Variants in LPP observed in about 807,000 individuals in gnomAD.
The protein encoded by LPP is lipoma-preferred partner.
Under a neutral mutation model 60.4 loss-of-function variants are expected in LPP, and 38 were observed. That is an observed-to-expected ratio of 0.63 (90% CI 0.49 to 0.83). The LOEUF (loss-of-function observed/expected upper bound fraction) is 0.83. Among genes scored for constraint, LPP ranks in the 40% least tolerant of loss-of-function variants. LPP has a pLI of 0.00. For missense variants in LPP, 902 were observed against 783.6 expected (o/e 1.15, Z -1.80); for synonymous variants, 328 against 290.8 (o/e 1.13, Z -1.30).
At chr3:188,207,765 C>T (rs1379586420) in intron 1 of LPP, among the ~76,000 whole-genome samples, 1 of 151,818 alleles carries the variant, frequency 6.6e-6, no homozygotes, top group Admixed American at 6.6e-5. Flanking sequence ...TAAATATTTC[C>T]TTCTGTCGGA....
At chr3:188,737,350 C>T (rs534686798) in intron 8 of LPP, among the ~76,000 whole-genome samples, 135 of 152,280 alleles carry the variant, frequency 8.9e-4, no homozygotes, top group African/African-American at 3.1e-3. Context: ...GAGGTTCTCT[C>T]TTCTGGCTCA....
At chr3:188,365,022 T>C (rs1770688586) in intron 3 of LPP, among the ~76,000 whole-genome samples, 1 of 152,186 alleles carries the variant, frequency 6.6e-6, no homozygotes, top group African/African-American at 2.4e-5. Flanking sequence ...CATAGAGTTC[T>C]CTTTAGAGCA....
intron 9 of LPP, among the ~76,000 whole-genome samples, chr3:188,856,943 T>C (rs1201736753): frequency 6.6e-6 from 1 of 152,202 alleles, no homozygotes; most frequent in Non-Finnish European, 1.5e-5. Context: ...TAACAATTTT[T>C]CATTGGCTAT....
At chr3:188,169,497 C>T (rs1191385439) in intron 1 of LPP, among the ~76,000 whole-genome samples, 1 of 152,122 alleles carries the variant, frequency 6.6e-6, no homozygotes, top group Non-Finnish European at 1.5e-5. Context: ...ACAGTATTTC[C>T]CAAAGTGTTA....
intron 6 of LPP, among the ~76,000 whole-genome samples, chr3:188,528,426 T>A (rs956649025): frequency 2.0e-5 from 3 of 152,094 alleles, no homozygotes; most frequent in African/African-American, 4.8e-5. Flanking sequence ...GAGGAGATCA[T>A]GCTTTGAGGT....
rs4686999 is a variant in LPP, at chr3:188,857,318, G to A, written c.1411-8882G>A. Among the ~76,000 whole-genome samples, 1,167 of 152,306 alleles carry A rather than the reference G, an allele frequency of 7.7e-3. 59 individuals are homozygous for A. Among genetic ancestry groups the A allele is most frequent in the Admixed American group, 0.068 (1,040 of 15,288 alleles). ...AATAATTGCCTTTATACAGAATAAC[G>A]GAGAAAGATATCTGAGAAACTTGTT... On this transcript the variant is annotated intron_variant, in intron 9 of 11. Transcript: ENST00000617246.
chr3:188,742,180 C>T (rs1473433091), intron 8 of LPP, among the ~76,000 whole-genome samples: 1 of 152,120 alleles, frequency 6.6e-6, no homozygotes, highest in Non-Finnish European at 1.5e-5. Context: ...TTGAAATTCT[C>T]ATACACTGCA....
intron 9 of LPP, among the ~76,000 whole-genome samples, chr3:188,762,981 A>G (rs1337708816): frequency 6.6e-6 from 1 of 152,170 alleles, no homozygotes; most frequent in Non-Finnish European, 1.5e-5. Flanking sequence ...CTGAACTTTT[A>G]TATGTCCAAT....
At chr3:188,464,275 C>T (rs1031612873) in intron 4 of LPP, among the ~76,000 whole-genome samples, 2 of 152,176 alleles carry the variant, frequency 1.3e-5, no homozygotes, top group African/African-American at 4.8e-5. Flanking sequence ...ATGACTAAAT[C>T]TGAAAGGCCT....
intron 7 of LPP, among the ~76,000 whole-genome samples, chr3:188,636,313 C>T (rs1275885542): frequency 6.6e-6 from 1 of 152,194 alleles, no homozygotes; most frequent in Non-Finnish European, 1.5e-5. Flanking sequence ...CCTGGAAAAT[C>T]GGGTCACTCC....
intron 9 of LPP, among the ~76,000 whole-genome samples, chr3:188,791,506 C>T (rs1033000142): frequency 6.6e-6 from 1 of 151,858 alleles, no homozygotes; most frequent in African/African-American, 2.4e-5. Flanking sequence ...GAATAGGCTC[C>T]AGCAATTAAG....
intron 2 of LPP, among the ~76,000 whole-genome samples, chr3:188,243,164 T>TG (rs1206306095): frequency 6.6e-6 from 1 of 152,178 alleles, no homozygotes; most frequent in Non-Finnish European, 1.5e-5. Flanking sequence ...CAGTGACAGC[T>TG]GACACAACCT....
At chr3:188,767,460 T>G (rs780674533) in intron 9 of LPP, among the ~76,000 whole-genome samples, 1 of 152,186 alleles carries the variant, frequency 6.6e-6, no homozygotes, top group Non-Finnish European at 1.5e-5. Flanking sequence ...CTTAACACAT[T>G]GCTTTTAGTC....
intron 2 of LPP, among the ~76,000 whole-genome samples, chr3:188,303,500 G>C (rs1750587981): frequency 6.6e-6 from 1 of 152,194 alleles, no homozygotes; most frequent in African/African-American, 2.4e-5. Context: ...CTTAAAGAGA[G>C]TACAAAGAAC....
At chr3:188,637,645 G>A (rs947772050) in intron 7 of LPP, among the ~76,000 whole-genome samples, 23 of 151,754 alleles carry the variant, frequency 1.5e-4, no homozygotes, top group African/African-American at 5.6e-4. Context: ...AAAGAGAGAA[G>A]AATCAAATAG....
At chr3:188,671,398 T>A (rs770546718) in intron 7 of LPP, among the ~76,000 whole-genome samples, 2 of 152,208 alleles carry the variant, frequency 1.3e-5, no homozygotes, top group Non-Finnish European at 2.9e-5. Context: ...GGCAGAGTTG[T>A]CAGCATTTAC....
At chr3:188,818,945 G>A (rs563377916) in intron 9 of LPP, among the ~76,000 whole-genome samples, 3 of 151,926 alleles carry the variant, frequency 2.0e-5, no homozygotes, top group Non-Finnish European at 4.4e-5. Context: ...ATAATTGTCT[G>A]GTAATTGTCA....
chr3:188,303,854 T>C (rs1750701629), intron 2 of LPP, among the ~76,000 whole-genome samples: 1 of 152,206 alleles, frequency 6.6e-6, no homozygotes, highest in Non-Finnish European at 1.5e-5. Flanking sequence ...AAAAGGTGTA[T>C]GGCTTTGGAA....
At chr3:188,340,426 A>ATTTTTTT (rs1762752082) in intron 2 of LPP, among the ~76,000 whole-genome samples, 1 of 42,082 alleles carries the variant, frequency 2.4e-5, no homozygotes, top group African/African-American at 9.5e-5. Flanking sequence ...TGAAACTTTT[A>ATTTTTTT]TTTTAAGTTC....
Sources: gnomAD v4.1 joint callset for allele counts (sites outside exome capture counted in the v4.1 genomes callset) on GRCh38, gnomAD v4.1.1 for gene constraint, MANE v1.5 for transcripts, NCBI Gene and HGNC (gene_info 2026-07-23, HGNC 2026-07-21) for gene names.